Variants in PTPRM observed in about 807,000 individuals in gnomAD.
The protein encoded by PTPRM is protein tyrosine phosphatase receptor type M, also known as receptor-type tyrosine-protein phosphatase mu.
In PTPRM, 47 loss-of-function variants were observed where a neutral mutation model predicts 186.7. The observed-to-expected ratio is 0.25, with a 90% CI of 0.20 to 0.32. The LOEUF (loss-of-function observed/expected upper bound fraction) is 0.32. Ranked by LOEUF, PTPRM falls within the 10% of genes least tolerant of loss-of-function variation. The probability of loss-of-function intolerance (pLI) is 1.00; values close to 1 mark genes in which losing one functional copy is unlikely to be tolerated. For missense variants in PTPRM, 1,494 were observed against 1,865.0 expected (o/e 0.80, Z 3.66); for synonymous variants, 668 against 674.9 (o/e 0.99, Z 0.16).
rs532148357 is a variant in PTPRM, at chr18:7,732,447, G to A, written c.74-41702G>A. ...GTAGCCAGGAGTCCAGCTAAAATCA[G>A]GATTGTGTTACTTTATTTGATCTTA... On this transcript the variant is annotated intron_variant, in intron 1 of 32. Transcript: ENST00000580170. 1.9e-4 allele frequency among the ~76,000 whole-genome samples: 29 copies of A among 152,068 alleles called. No individual in the cohort carries two copies. In the South Asian group the frequency reaches 5.2e-3, roughly 27 times the overall value.
chr18:8,225,916 A>G (rs772414724), intron 14 of PTPRM, among the ~76,000 whole-genome samples: 7 of 152,234 alleles, frequency 4.6e-5, no homozygotes, highest in East Asian at 1.9e-4. Flanking sequence ...TAGCCTAAAT[A>G]TAATGAATTT....
At chr18:8,324,757 G>A (rs1354262245) in intron 22 of PTPRM, among the ~76,000 whole-genome samples, 2 of 152,164 alleles carry the variant, frequency 1.3e-5, no homozygotes, top group Non-Finnish European at 2.9e-5. Flanking sequence ...GAGGAAAGGA[G>A]ACAAAGAAAC....
chr18:7,703,060 A>G (rs1211281064), intron 1 of PTPRM, among the ~76,000 whole-genome samples: 1 of 152,182 alleles, frequency 6.6e-6, no homozygotes, highest in Non-Finnish European at 1.5e-5. Context: ...TACCAGTACC[A>G]TGCTGTTTTG....
intron 1 of PTPRM, among the ~76,000 whole-genome samples, chr18:7,587,913 A>C (rs1598466977): frequency 6.6e-6 from 1 of 152,158 alleles, no homozygotes; most frequent in East Asian, 1.9e-4. Flanking sequence ...ATTTCAAGTA[A>C]GTTTTAATTT....
At position 7,694,254 on chromosome 18, in the gene PTPRM, A is replaced by G. The variant is rs1023988945; in HGVS notation, c.74-79895A>G. ...GAGTGTGTTAGTCTTAGTGAATTCC[A>G]TGTGTCTCATGTTTCTAAGTCACTT... On this transcript the variant is annotated intron_variant, in intron 1 of 32. Coordinates refer to ENST00000580170, the MANE Select transcript of PTPRM (RefSeq NM_001105244.2). 3.9e-5 allele frequency among the ~76,000 whole-genome samples: 6 copies of G among 152,188 alleles called. No homozygotes were observed. The South Asian group carries it at 1.2e-3, about 32-fold the overall frequency.
At chr18:8,068,554 C>G (rs924793153) in intron 7 of PTPRM, among the ~76,000 whole-genome samples, 1 of 152,138 alleles carries the variant, frequency 6.6e-6, no homozygotes, top group Non-Finnish European at 1.5e-5. Flanking sequence ...GATTTCTAAG[C>G]TTGAAACTGT....
rs937403405 is a variant in PTPRM, at chr18:7,979,642, C to T, written c.1132+24228C>T. ...GGAGTTTATTCTCAGGAAACGACAT[C>T]GTTTTTAATATAATAGAAGAAATGA... On this transcript the variant is annotated intron_variant, in intron 7 of 32. Transcript: ENST00000580170. Among the ~76,000 whole-genome samples the T allele has an allele frequency of 8.5e-5, 13 of 152,080 alleles. 1 individual carries two copies. The highest frequency in any genetic ancestry group is 7.9e-4 in the Admixed American group (12 of 15,274).
At chr18:7,996,306 A>G (rs747601861) in intron 7 of PTPRM, among the ~76,000 whole-genome samples, 5 of 152,182 alleles carry the variant, frequency 3.3e-5, no homozygotes, top group Non-Finnish European at 7.3e-5. Flanking sequence ...GACAAAAGTC[A>G]TATGATCATC....
intron 1 of PTPRM, among the ~76,000 whole-genome samples, chr18:7,578,852 A>C (rs1296069684): frequency 6.6e-6 from 1 of 152,078 alleles, no homozygotes; most frequent in Non-Finnish European, 1.5e-5. Flanking sequence ...ATAGGGCTTC[A>C]TGTGTAATTA....
At chr18:7,581,963 A>C (rs2036857497) in intron 1 of PTPRM, among the ~76,000 whole-genome samples, 1 of 152,088 alleles carries the variant, frequency 6.6e-6, no homozygotes, top group African/African-American at 2.4e-5. Flanking sequence ...CCTGGCATAA[A>C]ATTTATTTTT....
At chr18:8,338,768 A>G (rs1427028241) in intron 22 of PTPRM, among the ~76,000 whole-genome samples, 2 of 152,224 alleles carry the variant, frequency 1.3e-5, no homozygotes, top group Non-Finnish European at 2.9e-5. Flanking sequence ...TCTGTTTATG[A>G]TGGAATGCCA....
At chr18:8,387,504 G>GAAA (rs11375233) in intron 31 of PTPRM, among the ~76,000 whole-genome samples, 65 of 147,328 alleles carry the variant, frequency 4.4e-4, no homozygotes, top group African/African-American at 1.3e-3. Context: ...CTGCCAAGAG[G>GAAA]AAAAAAAAAA....
chr18:7,679,697 C>T (rs1218600167), intron 1 of PTPRM, among the ~76,000 whole-genome samples: 1 of 151,900 alleles, frequency 6.6e-6, no homozygotes. Flanking sequence ...CATAATTGGG[C>T]ATACTGTAAT....
chr18:8,281,881 C>T (rs1281876351), intron 19 of PTPRM, among the ~76,000 whole-genome samples: 1 of 151,884 alleles, frequency 6.6e-6, no homozygotes. Flanking sequence ...TTTCAGGACC[C>T]AAGGCTTGGT....
chr18:8,054,833 T>C (rs1021796541), intron 7 of PTPRM, among the ~76,000 whole-genome samples: 4 of 152,174 alleles, frequency 2.6e-5, no homozygotes, highest in Non-Finnish European at 5.9e-5. Context: ...GTAAGTTCAC[T>C]CAGGTACAAT....
intron 14 of PTPRM, 80 bp downstream of exon 14, chr18:8,143,859 T>C (rs2146123966): frequency 6.5e-7 from 1 of 1,534,032 alleles, no homozygotes. Flanking sequence ...AAATTCTCAG[T>C]TACTGAACTG....
chr18:8,222,828 A>C (rs2094169136), intron 14 of PTPRM, among the ~76,000 whole-genome samples: 1 of 152,162 alleles, frequency 6.6e-6, no homozygotes, highest in Non-Finnish European at 1.5e-5. Context: ...GGTGGTTTGC[A>C]CCTTTAATCC....
chr18:7,780,994 T>C (rs538691707), intron 2 of PTPRM, among the ~76,000 whole-genome samples: 1 of 152,240 alleles, frequency 6.6e-6, no homozygotes, highest in South Asian at 2.1e-4. Flanking sequence ...CAAAGAGTTA[T>C]TGACCAGGTG....
intron 14 of PTPRM, among the ~76,000 whole-genome samples, chr18:8,170,871 C>T (rs1824123077): frequency 6.6e-6 from 1 of 152,200 alleles, no homozygotes; most frequent in Non-Finnish European, 1.5e-5. Context: ...ATAGACTGAC[C>T]ACTGATTGTC....
Sources: allele counts gnomAD v4.1 joint callset (sites outside exome capture counted in the v4.1 genomes callset), GRCh38; gene constraint gnomAD v4.1.1; transcripts MANE v1.5; gene names NCBI Gene and HGNC (gene_info 2026-07-23, HGNC 2026-07-21).